Variants in MOV10L1 observed in about 807,000 individuals in gnomAD.
MOV10L1 encodes RNA helicase Mov10l1.
A neutral mutation model predicts 143.8 loss-of-function variants in MOV10L1; 110 were observed. The observed-to-expected ratio is 0.76, with a 90% CI of 0.66 to 0.90. MOV10L1 has a LOEUF of 0.90. Ranked by LOEUF, MOV10L1 falls within the 40% of genes least tolerant of loss-of-function variation. The probability of loss-of-function intolerance (pLI) is 0.00; values close to 1 mark genes in which losing one functional copy is unlikely to be tolerated. For missense variants in MOV10L1, 1,406 were observed against 1,526.8 expected, an observed-to-expected ratio of 0.92 and a Z score of 1.32; for synonymous variants, 593 against 581.1, an observed-to-expected ratio of 1.02 and a Z score of -0.29.
chr22:50,159,832 G>C lies in MOV10L1; in HGVS notation c.3324+47G>C, dbSNP rs1375962429. 3.8e-6 allele frequency: 5 copies of C among 1,312,340 alleles called. No individual in the cohort carries two copies. In the Admixed American group the frequency reaches 7.2e-5, roughly 19 times the overall value. The allele number at this position is 1,312,340 out of a possible 1,614,324, so 81.3% of individuals were successfully genotyped here. On this transcript the variant is annotated intron_variant, in intron 24 of 26. Coordinates refer to ENST00000262794, the MANE Select transcript of MOV10L1 (RefSeq NM_018995.3). This position sits in a 1 kb window ranked among gnomAD's most constrained non-coding sequence, Gnocchi z 4.1. The stretch of plus-strand genomic sequence containing the variant: ...GGGGATGGACAGTCAGGTGCTTGCT[G>C]CCCTGGGGGTTCTGGGGGCTTCAGA...
intron 19 of MOV10L1, 52 bp downstream of exon 19, chr22:50,145,862 A>T: frequency 6.2e-7 from 1 of 1,607,456 alleles, no homozygotes; most frequent in Non-Finnish European, 8.5e-7. Context: ...CAGAGGTCGG[A>T]GTCCTCTCCT....
intron 3 of MOV10L1, among the ~76,000 whole-genome samples, chr22:50,104,732 A>G (rs1420382436): frequency 2.0e-5 from 3 of 152,148 alleles, no homozygotes; most frequent in Non-Finnish European, 4.4e-5. Flanking sequence ...AACATACTTT[A>G]ATATCTTAGC....
intron 3 of MOV10L1, among the ~76,000 whole-genome samples, chr22:50,107,083 C>CT (rs1245023456): frequency 8.8e-5 from 13 of 148,104 alleles, no homozygotes; most frequent in East Asian, 2.0e-4. Context: ...TCTTTCTTTT[C>CT]TTTTTTTTTG....
Position 50,142,207 on chromosome 22 carries a change from G to A in MOV10L1, c.2179+18G>A, listed in dbSNP as rs750508073. The A allele has an allele frequency of 3.8e-6, 6 of 1,589,268 alleles. No homozygotes were observed. The East Asian group carries it at 1.1e-4, about 30-fold the overall frequency. On this transcript the variant is annotated intron_variant, in intron 16 of 26. Transcript: ENST00000262794. ...CGATTGGGGTATGTGCTCATGAGGG[G>A]CAAGGAGAAGAGCAACTCTGAGACT...
At chr22:50,115,297 C>A (rs778787968) in intron 8 of MOV10L1, 51 bp downstream of exon 8, 3 of 1,443,040 alleles carry the variant, frequency 2.1e-6, no homozygotes. Context: ...TTCTCTGATA[C>A]TTCTAGGTTG....
intron 11 of MOV10L1, 22 bp from the exon 12 acceptor site, chr22:50,126,180 T>A: frequency 6.6e-7 from 1 of 1,511,096 alleles, no homozygotes; most frequent in Admixed American, 1.7e-5. Flanking sequence ...GCTTTAAACA[T>A]GGTAATATAT....
chr22:50,136,172 CA>C (rs552456457), intron 15 of MOV10L1, among the ~76,000 whole-genome samples: 162 of 152,156 alleles, frequency 1.1e-3, no homozygotes, highest in African/African-American at 3.8e-3. Context: ...TTTTGTTCTG[CA>C]AATAGAAAAG....
chr22:50,109,391 C>T lies in MOV10L1; in HGVS notation c.743+547C>T, dbSNP rs904678479. 4.6e-5 allele frequency among the ~76,000 whole-genome samples: 7 copies of T among 151,966 alleles called. 1 individual carries two copies. The highest frequency in any genetic ancestry group is 3.4e-3 in the Middle Eastern group (1 of 294). On this transcript the variant is annotated intron_variant, in intron 5 of 26. Coordinates refer to ENST00000262794, the MANE Select transcript of MOV10L1 (RefSeq NM_018995.3). Reference sequence around the variant, plus strand: ...CATTAAAAAATTAGCCAAGCGAGGCCGGGCACGGTGGCTCACGCCTGTAAT... The same window carrying T: ...CATTAAAAAATTAGCCAAGCGAGGCTGGGCACGGTGGCTCACGCCTGTAAT...
chr22:50,117,788 A>C (rs183189379), intron 9 of MOV10L1, among the ~76,000 whole-genome samples: 2 of 152,292 alleles, frequency 1.3e-5, no homozygotes, highest in Non-Finnish European at 2.9e-5. Context: ...ATGTGGTACC[A>C]CTTAAGAATG....
intron 10 of MOV10L1, among the ~76,000 whole-genome samples, 173 bp from the exon 11 acceptor site, chr22:50,125,219 C>T (rs1276334708): frequency 2.0e-5 from 3 of 152,228 alleles, no homozygotes; most frequent in Admixed American, 6.5e-5. Context: ...CCATGGCCCT[C>T]GTGCTGAAGG....
chr22:50,110,020 G>C (rs181875105), intron 5 of MOV10L1, among the ~76,000 whole-genome samples: 8 of 152,134 alleles, frequency 5.3e-5, no homozygotes, highest in Non-Finnish European at 8.8e-5. Context: ...GTGGTGGCAG[G>C]CACCTGTAAT....
At chr22:50,115,354 C>T (rs1247139725) in intron 8 of MOV10L1, 108 bp downstream of exon 8, 17 of 1,289,546 alleles carry the variant, frequency 1.3e-5, no homozygotes, top group Non-Finnish European at 1.6e-5. Flanking sequence ...CACCTGAGAC[C>T]AGGAGTTCGA....
intron 14 of MOV10L1, 78 bp from the exon 15 acceptor site, chr22:50,134,452 C>A (rs2062764805): frequency 1.7e-6 from 2 of 1,143,206 alleles, no homozygotes; most frequent in South Asian, 1.3e-5. Flanking sequence ...GCTTTAGGGT[C>A]AGCCATAAAC....
intron 1 of MOV10L1, chr22:50,090,643 G>A (rs13054036): frequency 0.023 from 26,591 of 1,174,880 alleles, 503 homozygotes; most frequent in Middle Eastern, 0.066. Flanking sequence ...GGATGCGCCC[G>A]GATGCCCTCA....
chr22:50,118,786 A>G (rs566043337), intron 9 of MOV10L1, among the ~76,000 whole-genome samples: 63 of 152,284 alleles, frequency 4.1e-4, no homozygotes, highest in South Asian at 4.1e-4. Context: ...TAAGCTCTGC[A>G]CAAACTCCAG....
At chr22:50,135,804 A>T (rs925196456) in intron 15 of MOV10L1, among the ~76,000 whole-genome samples, 2 of 151,660 alleles carry the variant, frequency 1.3e-5, no homozygotes, top group African/African-American at 4.8e-5. Flanking sequence ...ATAGTAATAT[A>T]GTGCCTATTA....
chr22:50,134,119 C>T lies in MOV10L1; in HGVS notation c.1969+54C>T, dbSNP rs956026305. ...CATCTTCACAGAGTATTTTTATAGG[C>T]TTCATGTAAAATTTTGTGTAAAATA... On this transcript the variant is annotated intron_variant, in intron 14 of 26. Coordinates refer to ENST00000262794, the MANE Select transcript of MOV10L1 (RefSeq NM_018995.3). 1.3e-5 allele frequency: 19 copies of T among 1,426,544 alleles called. No homozygotes were observed. In the African/African-American group the frequency reaches 1.6e-4, roughly 12 times the overall value. The allele number at this position is 1,426,544 out of a possible 1,614,324, so 88.4% of individuals were successfully genotyped here.
Position 50,134,003 on chromosome 22 carries a change from G to A in MOV10L1, c.1911-4G>A. 6.2e-7 allele frequency: 1 copy of A among 1,610,102 alleles called. No individual in the cohort carries two copies. The highest frequency in any genetic ancestry group is 1.1e-5 in the South Asian group (1 of 90,150). On this transcript the variant is annotated splice_polypyrimidine_tract_variant and splice_region_variant and intron_variant, in intron 13 of 26. Transcript: ENST00000262794. ...GTTATTTTATGTGGTTTTCTTTCCTGCAGGACCACAAGCAGACGGTGTCAC... is the reference window on the plus strand; with the variant it reads ...GTTATTTTATGTGGTTTTCTTTCCTACAGGACCACAAGCAGACGGTGTCAC...
At position 50,134,637 on chromosome 22, in the gene MOV10L1, C is replaced by T. The variant is rs755275640; in HGVS notation, c.2070+7C>T. ...ACAGTCCACCAGCAAAAAGGTAGTG[C>T]TCAGCAATGTGGCTTTCTCTACACA... On this transcript the variant is annotated splice_region_variant and intron_variant, in intron 15 of 26. Transcript: ENST00000262794. 2.5e-6 allele frequency: 4 copies of T among 1,613,124 alleles called. No individual in the cohort carries two copies. Among genetic ancestry groups the T allele is most frequent in the African/African-American group, 1.3e-5 (1 of 74,898 alleles).
Sources: allele counts gnomAD v4.1 joint callset (sites outside exome capture counted in the v4.1 genomes callset), GRCh38; gene constraint gnomAD v4.1.1; non-coding constraint Gnocchi (gnomAD v3.1); transcripts MANE v1.5; gene names NCBI Gene and HGNC (gene_info 2026-07-23, HGNC 2026-07-21).